The following KIF26B variants were observed in gnomAD, a reference collection of about 807,000 sequenced individuals.
KIF26B encodes the protein kinesin-like protein KIF26B.
KIF26B carries 63 observed loss-of-function variants against 151.2 expected under a neutral mutation model. The observed-to-expected ratio is 0.42, with a 90% CI of 0.34 to 0.51. The LOEUF (loss-of-function observed/expected upper bound fraction) is 0.51, where lower values mean the gene tolerates loss of function less well. Among genes scored for constraint, KIF26B ranks in the 20% least tolerant of loss-of-function variants. KIF26B has a pLI of 0.07. For synonymous variants in KIF26B, 1,357 were observed against 1,262.1 expected (o/e 1.08, Z -1.59); for missense variants, 2,813 against 2,913.6 (o/e 0.97, Z 0.79).
chr1:245,694,977 C>T (rs973342323), intron 12 of KIF26B, among the ~76,000 whole-genome samples: 3 of 152,182 alleles, frequency 2.0e-5, no homozygotes, highest in Non-Finnish European at 2.9e-5. Context: ...TGTGGCTCCC[C>T]GATCAGACAG....
At chr1:245,463,548 C>T (rs977401887) in intron 4 of KIF26B, among the ~76,000 whole-genome samples, 1 of 152,146 alleles carries the variant, frequency 6.6e-6, no homozygotes, top group African/African-American at 2.4e-5. Flanking sequence ...GTATTTGGAT[C>T]GTTGGGAAGT....
At chr1:245,369,458 A>T (rs1245690521) in intron 3 of KIF26B, among the ~76,000 whole-genome samples, 1 of 152,236 alleles carries the variant, frequency 6.6e-6, no homozygotes, top group East Asian at 1.9e-4. Context: ...AACGTTGATC[A>T]TTATCCTAAG....
intron 4 of KIF26B, among the ~76,000 whole-genome samples, chr1:245,464,053 A>G (rs1659710285): frequency 6.6e-6 from 1 of 152,168 alleles, no homozygotes; most frequent in Non-Finnish European, 1.5e-5. Context: ...TAATCATGCC[A>G]TCCCCACCCT....
chr1:245,598,370 C>T (rs1376567358), intron 5 of KIF26B, among the ~76,000 whole-genome samples: 7 of 152,152 alleles, frequency 4.6e-5, no homozygotes, highest in Non-Finnish European at 1.0e-4. Context: ...GCTGAGGGAT[C>T]CTTCCAGTGG....
intron 4 of KIF26B, among the ~76,000 whole-genome samples, chr1:245,504,350 C>T (rs12729331): frequency 2.1e-5 from 3 of 144,542 alleles, no homozygotes; most frequent in African/African-American, 7.6e-5. Flanking sequence ...TTCCCTCCCT[C>T]CCTCCCTTCC....
chr1:245,449,528 C>G (rs2103052019), intron 4 of KIF26B, among the ~76,000 whole-genome samples: 1 of 152,316 alleles, frequency 6.6e-6, no homozygotes, highest in South Asian at 2.1e-4. Flanking sequence ...ACCTCAAGAG[C>G]TCCATTTGTG....
intron 2 of KIF26B, among the ~76,000 whole-genome samples, chr1:245,343,151 T>A (rs1400533602): frequency 3.3e-5 from 5 of 152,248 alleles, no homozygotes; most frequent in African/African-American, 1.2e-4. Flanking sequence ...AATATATATT[T>A]CAGGTGTCTG....
At chr1:245,632,611 G>A (rs756341139) in intron 9 of KIF26B, among the ~76,000 whole-genome samples, 7 of 152,138 alleles carry the variant, frequency 4.6e-5, no homozygotes, top group Non-Finnish European at 8.8e-5. Flanking sequence ...GTGCTAAAGC[G>A]GAGTGGTGGA....
chr1:245,243,445 TATAC>T (rs1474261865), intron 2 of KIF26B, among the ~76,000 whole-genome samples: 13 of 146,138 alleles, frequency 8.9e-5, no homozygotes, highest in East Asian at 2.0e-4. Flanking sequence ...CATATATATA[TATAC>T]ACACACACAC....
intron 2 of KIF26B, among the ~76,000 whole-genome samples, chr1:245,280,377 A>T (rs1280904028): frequency 6.6e-6 from 1 of 150,512 alleles, no homozygotes. Flanking sequence ...AAAAAAAAAA[A>T]AAAATTAGCA....
intron 2 of KIF26B, among the ~76,000 whole-genome samples, chr1:245,313,460 G>T (rs759555482): frequency 5.3e-5 from 8 of 152,226 alleles, no homozygotes; most frequent in Non-Finnish European, 8.8e-5. Context: ...CTGTGGGCTG[G>T]CTCTAATTGT....
intron 3 of KIF26B, among the ~76,000 whole-genome samples, chr1:245,393,890 C>G (rs994767435): frequency 6.6e-6 from 1 of 152,196 alleles, no homozygotes; most frequent in Non-Finnish European, 1.5e-5. Flanking sequence ...AACCTTTAAT[C>G]TCTGCCAGAT....
chr1:245,492,168 G>C (rs1290329456), intron 4 of KIF26B, among the ~76,000 whole-genome samples: 1 of 152,174 alleles, frequency 6.6e-6, no homozygotes, highest in African/African-American at 2.4e-5. Flanking sequence ...CTGCATCTTG[G>C]GGCTTGTTCC....
chr1:245,522,293 T>C (rs1013969735), intron 4 of KIF26B, among the ~76,000 whole-genome samples: 1 of 152,170 alleles, frequency 6.6e-6, no homozygotes, highest in Non-Finnish European at 1.5e-5. Context: ...TTAAAGAAAA[T>C]GATACTGCCT....
chr1:245,270,840 T>C (rs1670845126), intron 2 of KIF26B, among the ~76,000 whole-genome samples: 1 of 152,366 alleles, frequency 6.6e-6, no homozygotes, highest in Non-Finnish European at 1.5e-5. Context: ...CCAAGACCAA[T>C]GTTTTGAAAC....
chr1:245,200,412 A>G lies in KIF26B; in HGVS notation c.465+43729A>G, dbSNP rs555480150. 2.4e-4 allele frequency among the ~76,000 whole-genome samples: 37 copies of G among 152,336 alleles called. 1 individual carries two copies. Among genetic ancestry groups the G allele is most frequent in the Admixed American group, 9.1e-4 (14 of 15,302 alleles). ...TTTGAGGAAGGAATATTGTGGCTAA[A>G]ATCCTAAATATTTTGGAATATCATT... On this transcript the variant is annotated intron_variant, in intron 2 of 14. Transcript: ENST00000407071.
chr1:245,598,868 T>C (rs1357945871), intron 5 of KIF26B, among the ~76,000 whole-genome samples: 1 of 152,150 alleles, frequency 6.6e-6, no homozygotes. Context: ...TGCCAGTCTC[T>C]TCTTGCTTGA....
At chr1:245,458,125 T>C (rs1258382522) in intron 4 of KIF26B, among the ~76,000 whole-genome samples, 2 of 152,190 alleles carry the variant, frequency 1.3e-5, no homozygotes, top group East Asian at 1.9e-4. Context: ...CAACTATTCA[T>C]TTGACAAGTG....
At chr1:245,578,662 C>T (rs1172085804) in intron 5 of KIF26B, among the ~76,000 whole-genome samples, 1 of 152,222 alleles carries the variant, frequency 6.6e-6, no homozygotes, top group African/African-American at 2.4e-5. Context: ...AGGTATGAAC[C>T]TGTGTTTCCC....
Sources: allele counts gnomAD v4.1 joint callset (sites outside exome capture counted in the v4.1 genomes callset), GRCh38; gene constraint gnomAD v4.1.1; transcripts MANE v1.5; gene names NCBI Gene and HGNC (gene_info 2026-07-23, HGNC 2026-07-21).